Variants in GNAZ observed in about 807,000 individuals in gnomAD.
GNAZ encodes G protein subunit alpha z.
In GNAZ, 3 loss-of-function variants were observed where a neutral mutation model predicts 25.4. The observed-to-expected ratio is 0.12, with a 90% CI of 0.05 to 0.30. GNAZ has a LOEUF of 0.30. Among genes scored for constraint, GNAZ ranks in the 10% least tolerant of loss-of-function variants. The pLI is 1.00. For missense variants in GNAZ, 241 were observed against 501.8 expected (o/e 0.48, Z 4.97); for synonymous variants, 211 against 205.7 (o/e 1.03, Z -0.22).
intron 1 of GNAZ, among the ~76,000 whole-genome samples, chr22:23,084,169 C>G (rs1312511878): frequency 6.6e-6 from 1 of 152,174 alleles, no homozygotes; most frequent in Non-Finnish European, 1.5e-5. Flanking sequence ...GAAGATGTGG[C>G]TTTTTAGTCC....
At chr22:23,118,622 A>G (rs996210047) in intron 2 of GNAZ, among the ~76,000 whole-genome samples, 1 of 152,190 alleles carries the variant, frequency 6.6e-6, no homozygotes, top group African/African-American at 2.4e-5. Context: ...CTTGGGCCCC[A>G]TATGTGAAGT....
intron 2 of GNAZ, among the ~76,000 whole-genome samples, chr22:23,116,264 C>T (rs539586975): frequency 6.6e-6 from 1 of 152,336 alleles, no homozygotes; most frequent in African/African-American, 2.4e-5. Context: ...GTTGTGGGAA[C>T]GAGGAGTAAC....
At chr22:23,093,557 T>C (rs887772814) in intron 1 of GNAZ, among the ~76,000 whole-genome samples, 49 of 152,258 alleles carry the variant, frequency 3.2e-4, no homozygotes, top group African/African-American at 1.2e-3. Flanking sequence ...AAGGTGACGC[T>C]CACAGCGACA....
At chr22:23,115,390 A>G (rs1480056436) in intron 2 of GNAZ, among the ~76,000 whole-genome samples, 1 of 152,160 alleles carries the variant, frequency 6.6e-6, no homozygotes, top group Non-Finnish European at 1.5e-5. Context: ...TGACGGTCCC[A>G]CCATCTCTGG....
chr22:23,070,597 G>C (rs1383196796), intron 1 of GNAZ, 27 bp downstream of exon 1: 1 of 142,056 alleles, frequency 7.0e-6, no homozygotes, highest in Admixed American at 6.9e-5. Flanking sequence ...GCGGCCGGCC[G>C]CGCGCCGCTG....
intron 1 of GNAZ, among the ~76,000 whole-genome samples, chr22:23,073,488 C>G (rs1463125969): frequency 6.6e-6 from 1 of 152,156 alleles, no homozygotes; most frequent in African/African-American, 2.4e-5. Context: ...AGGTCCTGGT[C>G]CCACCATCCT....
chr22:23,087,037 C>A (rs5751579), intron 1 of GNAZ, among the ~76,000 whole-genome samples: 3 of 152,052 alleles, frequency 2.0e-5, no homozygotes. Context: ...CTTCCTCATT[C>A]GGCGAGGAGG....
intron 2 of GNAZ, among the ~76,000 whole-genome samples, chr22:23,115,985 A>G (rs1324369289): frequency 6.6e-6 from 1 of 152,218 alleles, no homozygotes; most frequent in African/African-American, 2.4e-5. Flanking sequence ...GGCCAAGCAC[A>G]CCAGGAAGGT....
At position 23,096,084 on chromosome 22, in the gene GNAZ, G is replaced by A. The variant is rs745469780; in HGVS notation, c.389G>A (p.Arg130Gln). ...ITPELLGVMRRLWADPGAQAC... is the reference protein window; with the variant it reads ...ITPELLGVMRQLWADPGAQAC... The stretch of plus-strand genomic sequence containing the variant: ...CCCGAGCTGCTGGGTGTCATGCGAC[G>A]GCTCTGGGCCGACCCAGGGGCACAG... Residue 130 changes from arginine (R) to glutamine (Q), a missense_variant, in exon 2 of 3, where the codon CGG (arginine) becomes CAG (glutamine). Arg to Gln is a conservative substitution (Grantham distance 43). Coordinates refer to ENST00000615612, the MANE Select transcript of GNAZ (RefSeq NM_002073.4). The A allele has an allele frequency of 1.2e-6, 2 of 1,609,270 alleles. No homozygotes were observed. The highest frequency in any genetic ancestry group is 1.7e-6 in the Non-Finnish European group (2 of 1,179,970).
At position 23,095,363 on chromosome 22, in the gene GNAZ, G is replaced by A; in HGVS notation, c.-333G>A. 3.3e-6 allele frequency: 1 copy of A among 304,706 alleles called. No homozygotes were observed. The highest frequency in any genetic ancestry group is 6.2e-6 in the Non-Finnish European group (1 of 161,802). The allele number at this position is 304,706 out of a possible 1,614,324, so 18.9% of individuals were successfully genotyped here. A position where few individuals can be genotyped will look rare whatever the true frequency, so the allele number is the denominator to read the frequency against. ...ACATCGCCACAGCAACCAGCAACCA[G>A]ACGGCAGCAGCCGAGGCAAACACAA... On this transcript the variant is annotated 5_prime_UTR_variant, in exon 2 of 3. Transcript: ENST00000615612.
intron 1 of GNAZ, among the ~76,000 whole-genome samples, chr22:23,070,972 AGG>A (rs2068353830): frequency 6.6e-6 from 1 of 151,756 alleles, no homozygotes; most frequent in South Asian, 2.1e-4. Flanking sequence ...GGGTCTCCCT[AGG>A]GGGAGGATCA....
chr22:23,108,314 C>A (rs1456784310), intron 2 of GNAZ, among the ~76,000 whole-genome samples: 13 of 152,364 alleles, frequency 8.5e-5, no homozygotes, highest in African/African-American at 2.9e-4. Flanking sequence ...AGAACAGGGG[C>A]CAATGGTGCT....
intron 2 of GNAZ, among the ~76,000 whole-genome samples, chr22:23,099,522 T>TC (rs2146327428): frequency 6.6e-6 from 1 of 152,318 alleles, no homozygotes; most frequent in African/African-American, 2.4e-5. Flanking sequence ...CCCTGAATGA[T>TC]CCTGTGGGGC....
In GNAZ at chr22:23,095,667, T is replaced by C. The variant is rs1004702787; in HGVS notation, c.-29T>C. 3.2e-6 allele frequency: 5 copies of C among 1,578,570 alleles called. No individual in the cohort carries two copies. Among genetic ancestry groups the C allele is most frequent in the Non-Finnish European group, 4.3e-6 (5 of 1,163,906 alleles). On this transcript the variant is annotated 5_prime_UTR_variant, in exon 2 of 3. Transcript: ENST00000615612. ...GAGGGAGAGGTGCCCCATCCCGTGC[T>C]CCTTGTCTGGGCCCGCTGCTGCCAG... is the stretch of plus-strand genomic sequence containing the variant.
chr22:23,074,136 A>T (rs2068448331), intron 1 of GNAZ, among the ~76,000 whole-genome samples: 1 of 152,152 alleles, frequency 6.6e-6, no homozygotes, highest in Non-Finnish European at 1.5e-5. Flanking sequence ...ATGAGGCAGG[A>T]AGACCTTGGC....
chr22:23,123,823 T>G lies in GNAZ; in HGVS notation c.*392T>G, dbSNP rs534960300. ...GATAGGCAGCAGGGCTGAGGCAAGG[T>G]AGGCCAACTGCACCCCTGTCGCCTG... On this transcript the variant is annotated 3_prime_UTR_variant, in exon 3 of 3. Coordinates refer to ENST00000615612, the MANE Select transcript of GNAZ (RefSeq NM_002073.4). The G allele has an allele frequency of 1.6e-4, 38 of 235,630 alleles. 1 individual carries two copies. The highest frequency in any genetic ancestry group is 1.6e-3 in the Middle Eastern group (1 of 610). The allele number at this position is 235,630 out of a possible 1,614,324, so 14.6% of individuals were successfully genotyped here.
rs959329669 is a variant in GNAZ at position 23,112,825 on chromosome 22, G to A, written c.724-10262G>A. Among the ~76,000 whole-genome samples, 7 of 152,150 alleles carry A rather than the reference G, an allele frequency of 4.6e-5. No individual in the cohort carries two copies. In the South Asian group the frequency reaches 1.4e-3, roughly 32 times the overall value. Reference sequence around the variant, plus strand: ...GTGGGGATAGGGACCTGGCTGCAGGGAGCAAGGTGGCCAGTGTGGACCCAT... The same window carrying A: ...GTGGGGATAGGGACCTGGCTGCAGGAAGCAAGGTGGCCAGTGTGGACCCAT... On this transcript the variant is annotated intron_variant, in intron 2 of 2. Coordinates refer to ENST00000615612, the MANE Select transcript of GNAZ (RefSeq NM_002073.4).
intron 2 of GNAZ, among the ~76,000 whole-genome samples, chr22:23,106,894 AC>A (rs1336477922): frequency 6.6e-6 from 1 of 152,114 alleles, no homozygotes; most frequent in East Asian, 1.9e-4. Flanking sequence ...GGAAGCAGCC[AC>A]CCTTGCCATT....
intron 1 of GNAZ, among the ~76,000 whole-genome samples, chr22:23,072,268 C>G (rs1053874337): frequency 1.3e-5 from 2 of 152,170 alleles, no homozygotes; most frequent in South Asian, 4.1e-4. Flanking sequence ...GAGCAGTAAT[C>G]GTGGCAGCCT....
Sources: gnomAD v4.1 joint callset for allele counts (sites outside exome capture counted in the v4.1 genomes callset) on GRCh38, gnomAD v4.1.1 for gene constraint, MANE v1.5 for transcripts, NCBI Gene and HGNC (gene_info 2026-07-23, HGNC 2026-07-21) for gene names.